Variants in ABI1 observed in about 807,000 individuals in gnomAD.
ABI1 encodes abl interactor 1, also known as Abelson interactor 1.
ABI1 carries 14 observed loss-of-function variants against 54.6 expected under a neutral mutation model. The observed-to-expected ratio is 0.26, with a 90% confidence interval of 0.17 to 0.40. The LOEUF is 0.40. Among genes scored for constraint, ABI1 ranks in the 10% least tolerant of loss-of-function variants. The pLI, the probability that ABI1 is intolerant of heterozygous loss-of-function variation, is 1.00. For missense variants in ABI1, 443 were observed against 598.3 expected (o/e 0.74, Z 2.71); for synonymous variants, 194 against 209.3 (o/e 0.93, Z 0.63).
intron 6 of ABI1, among the ~76,000 whole-genome samples, chr10:26,765,635 A>AGGAG (rs1260886629): frequency 3.3e-5 from 4 of 119,886 alleles, no homozygotes; most frequent in African/African-American, 1.3e-4. Context: ...GGGGAAGGGA[A>AGGAG]GGAGGGAGGG....
intron 2 of ABI1, among the ~76,000 whole-genome samples, chr10:26,801,033 A>G (rs1347541347): frequency 6.6e-6 from 1 of 152,148 alleles, no homozygotes; most frequent in African/African-American, 2.4e-5. Context: ...AGGTCAGATG[A>G]GGTCAAGAGA....
chr10:26,763,980 T>C (rs775265512), intron 7 of ABI1: 11 of 1,590,142 alleles, frequency 6.9e-6, no homozygotes, highest in Non-Finnish European at 2.6e-6. Flanking sequence ...TAGTTTATAA[T>C]TCAGGTCAGA....
chr10:26,801,546 CA>C (rs879767122), intron 2 of ABI1, among the ~76,000 whole-genome samples: 116 of 135,044 alleles, frequency 8.6e-4, no homozygotes, highest in Admixed American at 7.4e-4. Context: ...GAACTTGTCT[CA>C]AAAAAAAAAA....
intron 2 of ABI1, among the ~76,000 whole-genome samples, chr10:26,778,102 C>A (rs1450180562): frequency 6.6e-6 from 1 of 152,020 alleles, no homozygotes; most frequent in African/African-American, 2.4e-5. Context: ...GAGAGAATAA[C>A]ATCCTGCAGA....
chr10:26,841,033 T>C (rs529942107), intron 1 of ABI1, among the ~76,000 whole-genome samples: 3 of 152,308 alleles, frequency 2.0e-5, no homozygotes. Context: ...AAATAACATT[T>C]TACTAAAACA....
intron 1 of ABI1, among the ~76,000 whole-genome samples, chr10:26,859,196 G>A (rs1433395430): frequency 6.6e-6 from 1 of 152,048 alleles, no homozygotes; most frequent in African/African-American, 2.4e-5. Flanking sequence ...AGATGTGGCA[G>A]GCATTCAACA....
chr10:26,808,750 G>A (rs1335979117), intron 2 of ABI1, among the ~76,000 whole-genome samples: 1 of 151,962 alleles, frequency 6.6e-6, no homozygotes, highest in African/African-American at 2.4e-5. Context: ...AGGTAACTGG[G>A]AGATGGAACA....
chr10:26,827,685 T>C (rs2048397401), intron 1 of ABI1, among the ~76,000 whole-genome samples: 1 of 150,906 alleles, frequency 6.6e-6, no homozygotes, highest in Non-Finnish European at 1.5e-5. Flanking sequence ...CTCTGCCTGC[T>C]GGGTTCAAGC....
chr10:26,771,929 C>T (rs1197477338), intron 3 of ABI1, among the ~76,000 whole-genome samples: 1 of 150,076 alleles, frequency 6.7e-6, no homozygotes, highest in Admixed American at 6.6e-5. Flanking sequence ...TACAATGCCA[C>T]TAAAAAAAAA....
intron 7 of ABI1, among the ~76,000 whole-genome samples, chr10:26,760,871 G>A (rs1171099417): frequency 8.7e-6 from 1 of 115,544 alleles, no homozygotes; most frequent in Non-Finnish European, 1.6e-5. Context: ...CCTGAGTGAC[G>A]GAGAAAGACT....
chr10:26,797,013 T>C (rs1161134813), intron 2 of ABI1, among the ~76,000 whole-genome samples: 1 of 152,200 alleles, frequency 6.6e-6, no homozygotes, highest in Non-Finnish European at 1.5e-5. Context: ...CCTCCTGCTA[T>C]GCAGCCCGGT....
intron 3 of ABI1, among the ~76,000 whole-genome samples, chr10:26,773,561 T>A (rs886578336): frequency 6.6e-6 from 1 of 151,276 alleles, no homozygotes; most frequent in African/African-American, 2.4e-5. Context: ...AAATAAAAAT[T>A]AAAAAAAAAT....
At chr10:26,851,348 A>ATT (rs397724445) in intron 1 of ABI1, among the ~76,000 whole-genome samples, 15,616 of 67,586 alleles carry the variant, frequency 0.23, 3,619 homozygotes, top group Admixed American at 0.36. Flanking sequence ...GACTAAGCTA[A>ATT]TTTTTTTTTT....
At chr10:26,824,516 C>T (rs930425428) in intron 1 of ABI1, among the ~76,000 whole-genome samples, 1 of 151,846 alleles carries the variant, frequency 6.6e-6, no homozygotes, top group African/African-American at 2.4e-5. Flanking sequence ...AATATCTCCA[C>T]ACAATAGAGT....
intron 7 of ABI1, among the ~76,000 whole-genome samples, chr10:26,761,736 A>C (rs1429717200): frequency 6.7e-6 from 1 of 148,666 alleles, no homozygotes; most frequent in African/African-American, 2.5e-5. Flanking sequence ...TTGTAATGGA[A>C]TCAATCTGTA....
At chr10:26,841,231 G>A (rs1207081435) in intron 1 of ABI1, among the ~76,000 whole-genome samples, 1 of 151,786 alleles carries the variant, frequency 6.6e-6, no homozygotes, top group Non-Finnish European at 1.5e-5. Context: ...AGCACTACCT[G>A]GTGAGCTTTT....
chr10:26,841,137 AAAAT>A (rs1216239435), intron 1 of ABI1, among the ~76,000 whole-genome samples: 1 of 152,224 alleles, frequency 6.6e-6, no homozygotes, highest in African/African-American at 2.4e-5. Flanking sequence ...TGCAAAGCCT[AAAAT>A]ATTTACTATC....
intron 9 of ABI1, among the ~76,000 whole-genome samples, chr10:26,754,540 C>T (rs553845582): frequency 2.0e-5 from 3 of 152,132 alleles, no homozygotes; most frequent in Admixed American, 6.5e-5. Flanking sequence ...GTATTCTTCC[C>T]GGAGTCTGGC....
At chr10:26,803,123 T>C (rs371922716) in intron 2 of ABI1, among the ~76,000 whole-genome samples, 4 of 151,550 alleles carry the variant, frequency 2.6e-5, no homozygotes, top group Admixed American at 6.6e-5. Flanking sequence ...GCAGAAGAAA[T>C]AGGGGAGACA....
Sources: gnomAD v4.1 joint callset for allele counts (sites outside exome capture counted in the v4.1 genomes callset) on GRCh38, gnomAD v4.1.1 for gene constraint, MANE v1.5 for transcripts, NCBI Gene and HGNC (gene_info 2026-07-23, HGNC 2026-07-21) for gene names.